WDR31: variants seen among roughly 807,000 people sequenced by gnomAD.
WDR31 encodes the protein WD repeat domain 31.
WDR31 carries 30 observed loss-of-function variants against 47.3 expected under a neutral mutation model. That is an observed-to-expected ratio of 0.63 (90% CI 0.47 to 0.86). The LOEUF (loss-of-function observed/expected upper bound fraction) is 0.86, where lower values mean the gene tolerates loss of function less well. WDR31 is among the 40% of genes least tolerant of loss of function. WDR31 has a pLI of 0.00. For missense variants in WDR31, 406 were observed against 442.9 expected, an observed-to-expected ratio of 0.92 and a Z score of 0.75; for synonymous variants, 137 against 159.4, an observed-to-expected ratio of 0.86 and a Z score of 1.06.
intron 5 of WDR31, among the ~76,000 whole-genome samples, chr9:113,323,600 A>C (rs1188397225): frequency 6.6e-6 from 1 of 152,212 alleles, no homozygotes; most frequent in Non-Finnish European, 1.5e-5. Flanking sequence ...CCTAAGCTTG[A>C]AATCTATGAA....
chr9:113,328,831 A>G, intron 5 of WDR31, 50 bp downstream of exon 5: 5 of 1,422,260 alleles, frequency 3.5e-6, no homozygotes, highest in Non-Finnish European at 5.0e-6. Context: ...ACTATTAGCT[A>G]TCCTTTATTC....
At chr9:113,318,760 T>G in intron 9 of WDR31, 123 bp from the exon 10 acceptor site, 1 of 980,786 alleles carries the variant, frequency 1.0e-6, no homozygotes, top group South Asian at 1.6e-5. Context: ...TAGCTACCCC[T>G]TATCTTCATC....
intron 5 of WDR31, among the ~76,000 whole-genome samples, chr9:113,323,386 C>T (rs1160072359): frequency 1.3e-5 from 2 of 152,108 alleles, no homozygotes; most frequent in East Asian, 1.9e-4. Context: ...CTCAGCCTCC[C>T]GGGTGGCTGG....
chr9:113,340,143 G>A (rs956432539), intron 1 of WDR31, 74 bp downstream of exon 1: 5 of 152,404 alleles, frequency 3.3e-5, no homozygotes, highest in African/African-American at 1.2e-4. Context: ...TCTCCGCTTC[G>A]ACCAAAGGGC....
chr9:113,339,657 G>C (rs10481672), intron 1 of WDR31, among the ~76,000 whole-genome samples: 3,380 of 152,266 alleles, frequency 0.022, 134 homozygotes, highest in African/African-American at 0.077. Context: ...CTTGTGTGCA[G>C]TTTTTCCTTT....
intron 2 of WDR31, 83 bp from the exon 3 acceptor site, chr9:113,332,133 T>A: frequency 2.1e-6 from 2 of 943,802 alleles, no homozygotes; most frequent in Non-Finnish European, 3.2e-6. Flanking sequence ...TTTTTTAGAC[T>A]AATTAATTGT....
Position 113,331,913 on chromosome 9 carries a change from T to C in WDR31, c.110A>G (p.Lys37Arg). The change falls in exon 3 of 11, where the codon AAA becomes AGA. Residue 37 changes from lysine to arginine, a missense_variant. Coordinates refer to ENST00000374193, the MANE Select transcript of WDR31 (RefSeq NM_001012361.4). ...QQSKLKHSTY[K>R]YGRPDEIIEE... ...CAGGGGAGGATTGCAGTACCCGTAT[T>C]TATAAGTGCTGTGTTTGAGTTTGCT... is the stretch of plus-strand genomic sequence containing the variant. The C allele has an allele frequency of 6.2e-7, 1 of 1,613,562 alleles. No individual in the cohort carries two copies. The highest frequency in any genetic ancestry group is 1.1e-5 in the South Asian group (1 of 91,070).
At chr9:113,332,575 G>T (rs1003664531) in intron 2 of WDR31, among the ~76,000 whole-genome samples, 1 of 152,216 alleles carries the variant, frequency 6.6e-6, no homozygotes, top group African/African-American at 2.4e-5. Flanking sequence ...TTCTATGTAT[G>T]CGAAATATCC....
At chr9:113,333,166 T>A (rs1478794678) in intron 2 of WDR31, among the ~76,000 whole-genome samples, 1 of 152,094 alleles carries the variant, frequency 6.6e-6, no homozygotes, top group Non-Finnish European at 1.5e-5. Context: ...GTTCTAGAAC[T>A]AGATAGTGAT....
At chr9:113,333,952 T>G (rs1270095649) in intron 2 of WDR31, among the ~76,000 whole-genome samples, 1 of 151,468 alleles carries the variant, frequency 6.6e-6, no homozygotes, top group Non-Finnish European at 1.5e-5. Context: ...TCTCTCCTCC[T>G]TCTTCCTTCT....
At position 113,322,792 on chromosome 9, in the gene WDR31, A is replaced by T; in HGVS notation, c.570+19T>A. On this transcript the variant is annotated intron_variant, in intron 7 of 10. Coordinates refer to ENST00000374193, the MANE Select transcript of WDR31 (RefSeq NM_001012361.4). ...GCTCCTTTCTGCTGCCCTGTTCTGT[A>T]CCAAGTTTGAGTTCATACCACGTTC... The T allele has an allele frequency of 6.2e-7, 1 of 1,612,946 alleles. No individual in the cohort carries two copies. Among genetic ancestry groups the T allele is most frequent in the East Asian group, 2.2e-5 (1 of 44,868 alleles).
At chr9:113,325,544 A>G (rs1833442393) in intron 5 of WDR31, among the ~76,000 whole-genome samples, 1 of 151,964 alleles carries the variant, frequency 6.6e-6, no homozygotes, top group Admixed American at 6.5e-5. Flanking sequence ...CTGTATATGT[A>G]TTAATATCCT....
chr9:113,325,058 G>A (rs1473627784), intron 5 of WDR31, among the ~76,000 whole-genome samples: 10 of 151,800 alleles, frequency 6.6e-5, no homozygotes, highest in Admixed American at 5.9e-4. Flanking sequence ...CGATTCTCCT[G>A]TCTCAGCCTC....
intron 5 of WDR31, among the ~76,000 whole-genome samples, chr9:113,325,109 C>T (rs1008951711): frequency 7.9e-5 from 12 of 151,034 alleles, no homozygotes; most frequent in African/African-American, 3.0e-4. Flanking sequence ...CCATGCCTGG[C>T]TAATTCTTTT....
At chr9:113,324,548 CCTGA>C (rs1429362806) in intron 5 of WDR31, among the ~76,000 whole-genome samples, 1 of 151,934 alleles carries the variant, frequency 6.6e-6, no homozygotes, top group Non-Finnish European at 1.5e-5. Flanking sequence ...CGCCACCATA[CCTGA>C]CTAATTTTTG....
rs780379970 is a variant in WDR31, at chr9:113,316,848, G to A, written c.1005C>T (p.Asp335=). ...AACTTGCACACAATAAGGAGATGGC[G>A]TCACCAACAGCCAGAGAAGTCAAGG... ...SGPLTSLAVG[D]AISLLCASFN... is the part of the protein sequence containing the mutation. The change falls in exon 11 of 11, where the codon GAC becomes GAT. Residue 335 remains aspartate (D), a synonymous_variant. Transcript: ENST00000374193. 38 of 1,614,028 alleles carry A rather than the reference G, an allele frequency of 2.4e-5. No individual in the cohort carries two copies. The highest frequency in any genetic ancestry group is 2.9e-5 in the Non-Finnish European group (34 of 1,180,036).
intron 9 of WDR31, among the ~76,000 whole-genome samples, chr9:113,319,035 T>G (rs1330738750): frequency 1.3e-5 from 2 of 152,184 alleles, no homozygotes; most frequent in African/African-American, 4.8e-5. Context: ...TTTCAACCTC[T>G]TGGCATCTGT....
chr9:113,319,303 C>G (rs780124699), intron 9 of WDR31, among the ~76,000 whole-genome samples: 1 of 152,116 alleles, frequency 6.6e-6, no homozygotes, highest in African/African-American at 2.4e-5. Context: ...GCATGTTATC[C>G]AGGGAATAGC....
chr9:113,319,945 CTTTTA>C (rs1833288822), intron 9 of WDR31, among the ~76,000 whole-genome samples: 1 of 152,098 alleles, frequency 6.6e-6, no homozygotes, highest in African/African-American at 2.4e-5. Flanking sequence ...ATGAATGTTT[CTTTTA>C]TTTTCTTTCT....
Sources: allele counts gnomAD v4.1 joint callset (sites outside exome capture counted in the v4.1 genomes callset), GRCh38; gene constraint gnomAD v4.1.1; transcripts MANE v1.5; gene names NCBI Gene and HGNC (gene_info 2026-07-23, HGNC 2026-07-21).